NEDD4L: variants seen among roughly 807,000 people sequenced by gnomAD.
NEDD4L encodes NEDD4 like E3 ubiquitin protein ligase.
In NEDD4L, 54 loss-of-function variants were observed where a neutral mutation model predicts 148.9. The observed-to-expected ratio is 0.36, with a 90% CI of 0.29 to 0.45. The LOEUF is 0.45. NEDD4L is among the 20% of genes least tolerant of loss of function. The pLI is 1.00. For synonymous variants in NEDD4L, 433 were observed against 440.7 expected (o/e 0.98, Z 0.22); for missense variants, 856 against 1,233.8 (o/e 0.69, Z 4.59).
rs140823708 is a variant in NEDD4L, at chr18:58,078,331, C to T, written c.48+33623C>T. ...TGGCCTTTAGTTTCTTTTAATATAT[C>T]TTAAATATGATATCAAAGAAAAACA... On this transcript the variant is annotated intron_variant, in intron 1 of 30. Coordinates refer to ENST00000400345, the MANE Select transcript of NEDD4L (RefSeq NM_001144967.3). 9.9e-4 allele frequency among the ~76,000 whole-genome samples: 150 copies of T among 152,200 alleles called. 1 individual carries two copies. Among genetic ancestry groups the T allele is most frequent in the Non-Finnish European group, 1.6e-3 (109 of 68,026 alleles).
intron 1 of NEDD4L, among the ~76,000 whole-genome samples, chr18:58,056,518 C>A (rs752256774): frequency 1.3e-5 from 2 of 152,220 alleles, no homozygotes; most frequent in Non-Finnish European, 2.9e-5. Flanking sequence ...CCTTCTACAG[C>A]CTGGCTCTTT....
At chr18:58,174,877 C>G in intron 2 of NEDD4L, among the ~76,000 whole-genome samples, 1 of 152,164 alleles carries the variant, frequency 6.6e-6, no homozygotes, top group East Asian at 1.9e-4. Flanking sequence ...ACTTTACTTC[C>G]AAAGGATTGG....
At position 58,256,326 on chromosome 18, in the gene NEDD4L, A is replaced by T; in HGVS notation, c.297+4272A>T. ...GAGCCCAGGCGCTGGTCCCTGCAGC[A>T]CGTTCCAGATGCTTCTGGAAGCTCT... On this transcript the variant is annotated intron_variant, in intron 5 of 30. Transcript: ENST00000400345. This position sits in a 1 kb window ranked among gnomAD's most constrained non-coding sequence, Gnocchi z 5.2. The T allele has an allele frequency of 8.1e-7, 1 of 1,231,984 alleles. No individual in the cohort carries two copies. The highest frequency in any genetic ancestry group is 1.0e-6 in the Non-Finnish European group (1 of 987,902). 76.3% of individuals were successfully genotyped at this position (1,231,984 alleles called of 1,614,324 possible). A position where few individuals can be genotyped will look rare whatever the true frequency, so the allele number is the denominator to read the frequency against.
At chr18:58,150,511 C>A (rs1471849856) in intron 1 of NEDD4L, among the ~76,000 whole-genome samples, 1 of 152,252 alleles carries the variant, frequency 6.6e-6, no homozygotes, top group Non-Finnish European at 1.5e-5. Context: ...CAGGCGTGAG[C>A]CACTGCACCC....
At chr18:58,250,649 T>TATTTCATG (rs1194876624) in intron 4 of NEDD4L, among the ~76,000 whole-genome samples, 1 of 152,132 alleles carries the variant, frequency 6.6e-6, no homozygotes, top group Non-Finnish European at 1.5e-5. Flanking sequence ...GGTCAAGTGT[T>TATTTCATG]ATTTCATGCA....
intron 1 of NEDD4L, among the ~76,000 whole-genome samples, chr18:58,111,082 CTTG>C (rs2085392526): frequency 6.6e-6 from 1 of 152,100 alleles, no homozygotes; most frequent in Non-Finnish European, 1.5e-5. Context: ...GTTTGTTCCT[CTTG>C]TTGAGACAGA....
At chr18:58,118,557 G>C (rs1257130528) in intron 1 of NEDD4L, among the ~76,000 whole-genome samples, 1 of 152,204 alleles carries the variant, frequency 6.6e-6, no homozygotes, top group Non-Finnish European at 1.5e-5. Flanking sequence ...CTAGGAACCT[G>C]TATTCCTCCT....
intron 2 of NEDD4L, among the ~76,000 whole-genome samples, chr18:58,183,846 G>C (rs1297288530): frequency 1.3e-5 from 2 of 152,194 alleles, no homozygotes; most frequent in Non-Finnish European, 2.9e-5. Flanking sequence ...CCTATTTACA[G>C]CCTATTTTGT....
chr18:58,259,928 A>G (rs769844557), intron 5 of NEDD4L, among the ~76,000 whole-genome samples: 4 of 152,204 alleles, frequency 2.6e-5, no homozygotes, highest in African/African-American at 9.7e-5. Flanking sequence ...TCATTTGGGG[A>G]AACTTTGAGT....
At chr18:58,352,174 G>A (rs1474878018) in intron 18 of NEDD4L, among the ~76,000 whole-genome samples, 1 of 152,158 alleles carries the variant, frequency 6.6e-6, no homozygotes, top group East Asian at 1.9e-4. Context: ...CTTAGTTTTT[G>A]TCTTTTATCA....
intron 2 of NEDD4L, among the ~76,000 whole-genome samples, chr18:58,208,230 T>C (rs1332187256): frequency 6.6e-6 from 1 of 152,222 alleles, no homozygotes; most frequent in Non-Finnish European, 1.5e-5. Context: ...ATAGGACATA[T>C]GAACATTGTC....
At chr18:58,066,596 G>A (rs1291894051) in intron 1 of NEDD4L, among the ~76,000 whole-genome samples, 1 of 152,026 alleles carries the variant, frequency 6.6e-6, no homozygotes, top group Non-Finnish European at 1.5e-5. Flanking sequence ...AGGATTACAA[G>A]CATGAGCCAT....
rs549515974 is a variant in NEDD4L, at chr18:58,347,799, A to G, written c.1576-1738A>G. Among the ~76,000 whole-genome samples, 5 of 152,308 alleles carry G rather than the reference A, an allele frequency of 3.3e-5. No homozygotes were observed. The South Asian group carries it at 6.2e-4, about 19-fold the overall frequency. On this transcript the variant is annotated intron_variant, in intron 16 of 30. Transcript: ENST00000400345. ...TGATTCTTGCCAGTTCCCAAGATCT[A>G]TGATTATGATTCAGTGATACTATGA... is the stretch of plus-strand genomic sequence containing the variant.
chr18:58,395,295 A>G (rs1480333194), intron 30 of NEDD4L, among the ~76,000 whole-genome samples: 1 of 152,152 alleles, frequency 6.6e-6, no homozygotes, highest in East Asian at 1.9e-4. Flanking sequence ...CTTGAGCCCC[A>G]TGTAGACATA....
intron 2 of NEDD4L, among the ~76,000 whole-genome samples, chr18:58,176,186 T>G (rs746695809): frequency 6.6e-6 from 1 of 152,160 alleles, no homozygotes; most frequent in Non-Finnish European, 1.5e-5. Flanking sequence ...TAGACTGCTT[T>G]CTTTCTCTCT....
chr18:58,224,035 C>T (rs1254324210), intron 2 of NEDD4L, among the ~76,000 whole-genome samples: 1 of 152,214 alleles, frequency 6.6e-6, no homozygotes, highest in Admixed American at 6.5e-5. Context: ...TGGGCGCTTC[C>T]TGCCAAGAGC....
Position 58,351,059 on chromosome 18 carries a change from G to A in NEDD4L, c.1708+14G>A, listed in dbSNP as rs997715096. 3.2e-6 allele frequency: 5 copies of A among 1,579,784 alleles called. No homozygotes were observed. Among genetic ancestry groups the A allele is most frequent in the Non-Finnish European group, 4.3e-6 (5 of 1,161,194 alleles). On this transcript the variant is annotated intron_variant, in intron 18 of 30. Transcript: ENST00000400345. Reference sequence around the variant, plus strand: ...ATATTGATCATAGTAAGTAGGCGCTGTTATGGACACACAGGTGTTGTGGGT... The same window carrying A: ...ATATTGATCATAGTAAGTAGGCGCTATTATGGACACACAGGTGTTGTGGGT...
intron 1 of NEDD4L, among the ~76,000 whole-genome samples, chr18:58,121,261 C>T (rs2086223176): frequency 6.6e-6 from 1 of 152,118 alleles, no homozygotes; most frequent in African/African-American, 2.4e-5. Context: ...GTTATTTTAA[C>T]TTTGGCCCCT....
intron 2 of NEDD4L, among the ~76,000 whole-genome samples, chr18:58,169,785 A>G (rs1002396953): frequency 6.6e-6 from 1 of 151,732 alleles, no homozygotes; most frequent in Admixed American, 6.6e-5. Context: ...GGCCCATCCT[A>G]TGTTCACCAG....
Sources: allele counts gnomAD v4.1 joint callset (sites outside exome capture counted in the v4.1 genomes callset), GRCh38; gene constraint gnomAD v4.1.1; non-coding constraint Gnocchi (gnomAD v3.1); transcripts MANE v1.5; gene names NCBI Gene and HGNC (gene_info 2026-07-23, HGNC 2026-07-21).